CTNND2: variants seen among roughly 807,000 people sequenced by gnomAD.
CTNND2 encodes the protein catenin delta 2, also known as catenin delta-2.
CTNND2 carries 22 observed loss-of-function variants against 144.4 expected under a neutral mutation model. The ratio of observed to expected loss-of-function variants is 0.15; its 90% CI spans 0.11 to 0.22. The LOEUF (loss-of-function observed/expected upper bound fraction) is 0.22. Among genes scored for constraint, CTNND2 ranks in the 10% least tolerant of loss-of-function variants. The pLI, the probability that CTNND2 is intolerant of heterozygous loss-of-function variation, is 1.00. For synonymous variants in CTNND2, 751 were observed against 695.6 expected (o/e 1.08, Z -1.25); for missense variants, 1,353 against 1,618.8 (o/e 0.84, Z 2.82).
intron 18 of CTNND2, among the ~76,000 whole-genome samples, chr5:11,003,996 A>G (rs1364741353): frequency 6.6e-6 from 1 of 152,240 alleles, no homozygotes; most frequent in Non-Finnish European, 1.5e-5. Flanking sequence ...ATTTACTGCT[A>G]CTGGGCTAAT....
chr5:11,434,408 A>C (rs910393571), intron 3 of CTNND2, among the ~76,000 whole-genome samples: 4 of 152,314 alleles, frequency 2.6e-5, no homozygotes, highest in Admixed American at 2.6e-4. Context: ...ATCTTGACAG[A>C]GGTTTAGGTT....
intron 1 of CTNND2, among the ~76,000 whole-genome samples, chr5:11,860,756 A>T (rs550220819): frequency 1.4e-3 from 209 of 152,272 alleles, no homozygotes; most frequent in Non-Finnish European, 1.5e-3. Flanking sequence ...GTAGCATTTA[A>T]ATACAATAGG....
At chr5:11,694,760 C>T (rs1224315145) in intron 2 of CTNND2, among the ~76,000 whole-genome samples, 1 of 152,182 alleles carries the variant, frequency 6.6e-6, no homozygotes, top group Non-Finnish European at 1.5e-5. Flanking sequence ...GCATATCTCT[C>T]CTCTCTCCTT....
rs187967017 is a variant in CTNND2 at position 11,823,399 on chromosome 5, A to G, written c.37+80418T>C. Among the ~76,000 whole-genome samples the G allele has an allele frequency of 3.2e-3, 494 of 152,306 alleles. 10 individuals are homozygous for G. Among genetic ancestry groups the G allele is most frequent in the Admixed American group, 0.03 (458 of 15,288 alleles). On this transcript the variant is annotated intron_variant, in intron 1 of 21. Coordinates refer to ENST00000304623, the MANE Select transcript of CTNND2 (RefSeq NM_001332.4). ...CTCAAATTTGTACTCAAATATTTTC[A>G]AAGAAAATGTCTCAGTATTTATTTT...
chr5:11,288,039 A>G (rs1255908904), intron 9 of CTNND2, among the ~76,000 whole-genome samples: 5 of 152,226 alleles, frequency 3.3e-5, no homozygotes, highest in African/African-American at 7.2e-5. Context: ...TTTCTGGACC[A>G]TGTCAGACAT....
intron 1 of CTNND2, among the ~76,000 whole-genome samples, chr5:11,880,601 CACT>C (rs565601640): frequency 3.8e-4 from 41 of 108,534 alleles, no homozygotes; most frequent in African/African-American, 9.4e-4. Context: ...CTACTATCAG[CACT>C]ACTACTACCA....
At chr5:11,627,329 A>T (rs1781208908) in intron 2 of CTNND2, among the ~76,000 whole-genome samples, 1 of 152,162 alleles carries the variant, frequency 6.6e-6, no homozygotes, top group Admixed American at 6.5e-5. Flanking sequence ...AGGTGGAGTT[A>T]CCAGCAGTTC....
chr5:11,348,450 A>AG (rs1272392763), intron 8 of CTNND2, among the ~76,000 whole-genome samples: 3 of 147,178 alleles, frequency 2.0e-5, no homozygotes, highest in Non-Finnish European at 4.6e-5. Flanking sequence ...AAAAAAAAAA[A>AG]AAAAAAGAAA....
chr5:11,047,022 A>G (rs916654080), intron 16 of CTNND2, among the ~76,000 whole-genome samples: 7 of 152,178 alleles, frequency 4.6e-5, no homozygotes, highest in Non-Finnish European at 8.8e-5. Context: ...CAGAAAATAA[A>G]GTTTAAAATT....
At chr5:11,062,042 A>G (rs1054972631) in intron 16 of CTNND2, among the ~76,000 whole-genome samples, 7 of 152,144 alleles carry the variant, frequency 4.6e-5, no homozygotes, top group Non-Finnish European at 7.3e-5. Context: ...TTTCACCACT[A>G]GGCTGTAAGC....
intron 1 of CTNND2, among the ~76,000 whole-genome samples, chr5:11,849,533 G>C (rs1214602787): frequency 2.0e-5 from 3 of 152,172 alleles, no homozygotes; most frequent in African/African-American, 7.2e-5. Context: ...CAACTAATCA[G>C]GAAACTTCCA....
At chr5:11,306,498 C>T (rs1406663355) in intron 9 of CTNND2, among the ~76,000 whole-genome samples, 2 of 152,116 alleles carry the variant, frequency 1.3e-5, no homozygotes, top group African/African-American at 4.8e-5. Flanking sequence ...TTTTCTATAG[C>T]CATTTTCAGT....
At chr5:11,610,488 T>C (rs1174797983) in intron 2 of CTNND2, among the ~76,000 whole-genome samples, 1 of 152,158 alleles carries the variant, frequency 6.6e-6, no homozygotes, top group East Asian at 1.9e-4. Context: ...GTGACTGGCA[T>C]GGATCTATAA....
chr5:11,807,584 T>G (rs1792075739), intron 1 of CTNND2, among the ~76,000 whole-genome samples: 1 of 152,172 alleles, frequency 6.6e-6, no homozygotes, highest in African/African-American at 2.4e-5. Context: ...GTGGTAGAAT[T>G]TATTGGCAAT....
At chr5:10,991,917 A>T (rs1738721304) in intron 19 of CTNND2, among the ~76,000 whole-genome samples, 1 of 152,062 alleles carries the variant, frequency 6.6e-6, no homozygotes, top group Non-Finnish European at 1.5e-5. Flanking sequence ...TTTTTATTTT[A>T]TTTATTTATT....
intron 3 of CTNND2, among the ~76,000 whole-genome samples, chr5:11,548,172 C>G (rs1775418699): frequency 6.6e-6 from 1 of 152,192 alleles, no homozygotes; most frequent in Non-Finnish European, 1.5e-5. Context: ...AATTCAAAAT[C>G]AGGCAAACCA....
At chr5:11,539,279 G>A (rs1343304237) in intron 3 of CTNND2, among the ~76,000 whole-genome samples, 1 of 152,168 alleles carries the variant, frequency 6.6e-6, no homozygotes, top group Non-Finnish European at 1.5e-5. Flanking sequence ...AATTCCGGGT[G>A]ACTGACGCCT....
At chr5:11,584,660 G>T (rs1455609892) in intron 2 of CTNND2, among the ~76,000 whole-genome samples, 1 of 152,028 alleles carries the variant, frequency 6.6e-6, no homozygotes, top group East Asian at 1.9e-4. Flanking sequence ...GAACTTCATG[G>T]TATAGAAGCA....
At chr5:11,690,742 C>CAAAAAAAAAAAAAAAAAAAAAAAAAAA (rs58799389) in intron 2 of CTNND2, among the ~76,000 whole-genome samples, 2 of 36,532 alleles carry the variant, frequency 5.5e-5, no homozygotes, top group South Asian at 2.2e-3. Flanking sequence ...GACTCCGTCT[C>CAAAAAAAAAAAAAAAAAAAAAAAAAAA]AAAAAAAAAA....
Sources: allele counts gnomAD v4.1 joint callset (sites outside exome capture counted in the v4.1 genomes callset), GRCh38; gene constraint gnomAD v4.1.1; transcripts MANE v1.5; gene names NCBI Gene and HGNC (gene_info 2026-07-23, HGNC 2026-07-21).